Variants in PTK6 observed in about 807,000 individuals in gnomAD.
PTK6 encodes protein tyrosine kinase 6.
Under a neutral mutation model 47.5 loss-of-function variants are expected in PTK6, and 47 were observed. That is an observed-to-expected ratio of 0.99 (90% CI 0.78 to 1.26). The LOEUF (loss-of-function observed/expected upper bound fraction) is 1.26, where lower values mean the gene tolerates loss of function less well. Ranked by LOEUF, PTK6 falls within the 50% of genes most tolerant of loss-of-function variation. The probability of loss-of-function intolerance (pLI) is 0.00; values close to 1 mark genes in which losing one functional copy is unlikely to be tolerated. For synonymous variants in PTK6, 287 were observed against 276.5 expected, an observed-to-expected ratio of 1.04 and a Z score of -0.38; for missense variants, 618 against 625.3, an observed-to-expected ratio of 0.99 and a Z score of 0.12.
chr20:63,531,047 G>A lies in PTK6; in HGVS notation c.833-120C>T, dbSNP rs371450328. On this transcript the variant is annotated intron_variant, in intron 5 of 7. Coordinates refer to ENST00000542869, the MANE Select transcript of PTK6 (RefSeq NM_005975.4). ...GCTCTGCGGGCTCAGAGGAGGGGCC[G>A]GGGCAAAGGGCAGCTGGCCTGATTG... 3.3e-4 allele frequency: 305 copies of A among 926,802 alleles called. 2 individuals carry two copies. In the African/African-American group the frequency reaches 4.7e-3, roughly 14 times the overall value. 57.4% of individuals were successfully genotyped at this position (926,802 alleles called of 1,614,324 possible). A position where few individuals can be genotyped will look rare whatever the true frequency, so the allele number is the denominator to read the frequency against.
At chr20:63,534,424 G>A (rs2082648692) in intron 2 of PTK6, 109 bp from the exon 3 acceptor site, 20 of 1,373,178 alleles carry the variant, frequency 1.5e-5, no homozygotes, top group Middle Eastern at 2.2e-4. Flanking sequence ...CACAGTTGCT[G>A]TTGGTGCTTC....
intron 5 of PTK6, among the ~76,000 whole-genome samples, chr20:63,531,275 G>C (rs2145970615): frequency 6.6e-6 from 1 of 151,574 alleles, no homozygotes; most frequent in South Asian, 2.1e-4. Flanking sequence ...CAAAAAATTA[G>C]CCGGGCGTGG....
chr20:63,534,065 T>C, intron 3 of PTK6, 87 bp downstream of exon 3: 14 of 1,442,404 alleles, frequency 9.7e-6, no homozygotes, highest in African/African-American at 1.4e-5. Flanking sequence ...CCTCCCATGC[T>C]GCCCGGCCAA....
intron 5 of PTK6, among the ~76,000 whole-genome samples, chr20:63,531,967 T>C (rs2082625322): frequency 1.3e-5 from 2 of 152,220 alleles, no homozygotes; most frequent in Admixed American, 1.3e-4. Flanking sequence ...ACGGCATTTT[T>C]CCTATACCAC....
At chr20:63,534,872 T>TGGCTGGGAGGGCTTAGAGCCA (rs2082651734) in intron 2 of PTK6, 66 bp downstream of exon 2, 1 of 1,521,056 alleles carries the variant, frequency 6.6e-7, no homozygotes, top group African/African-American at 1.4e-5. Flanking sequence ...GTTCACCACG[T>TGGCTGGGAGGGCTTAGAGCCA]GGCTGGGAGG....
Position 63,532,663 on chromosome 20 carries a change from A to G in PTK6, c.695T>C (p.Leu232Pro). The stretch of plus-strand genomic sequence containing the variant: ...CTTCATGGCCTGGATCTCCGACTGC[A>G]GCATCTGCTGGTGCAGGAGGTTGTC... ...SRDNLLHQQMLQSEIQAMKKL... is the reference protein window; with the variant it reads ...SRDNLLHQQMPQSEIQAMKKL... The change falls in exon 5 of 8, where the codon CTG becomes CCG. Residue 232 changes from leucine to proline, a missense_variant. Physicochemically the swap from Leu to Pro is moderately conservative, Grantham distance 98. Coordinates refer to ENST00000542869, the MANE Select transcript of PTK6 (RefSeq NM_005975.4). The G allele has an allele frequency of 6.2e-7, 1 of 1,614,060 alleles. No individual in the cohort carries two copies. The highest frequency in any genetic ancestry group is 2.2e-5 in the East Asian group (1 of 44,884).
At chr20:63,534,362 T>C in intron 2 of PTK6, 47 bp from the exon 3 acceptor site, 2 of 1,524,950 alleles carry the variant, frequency 1.3e-6, no homozygotes, top group Non-Finnish European at 1.8e-6. Flanking sequence ...CTCCGACGCC[T>C]CCCTGCGTCC....
chr20:63,531,436 A>AT (rs2082619071), intron 5 of PTK6, among the ~76,000 whole-genome samples: 9 of 106,884 alleles, frequency 8.4e-5, no homozygotes, highest in South Asian at 2.7e-4. Context: ...AAAAAAAAAA[A>AT]AATATATATA....
Position 63,530,150 on chromosome 20 carries a change from TGGA to T in PTK6, c.1093_1095del (p.Ser365del). 2 of 1,614,028 alleles carry T rather than the reference TGGA, an allele frequency of 1.2e-6. No individual in the cohort carries two copies. Among genetic ancestry groups the T allele is most frequent in the Non-Finnish European group, 1.7e-6 (2 of 1,179,964 alleles). On this transcript the variant is annotated inframe_deletion, in exon 7 of 8. Transcript: ENST00000542869. The surrounding 1 kb of genome is among the most constrained non-coding windows in gnomAD (Gnocchi z 4.1). ...CCAAAGGACCAGACGTCGGATTTGGTGGAGTAATGGCCTCGGGAGAGCGCTTCA... is the reference window on the plus strand; with the variant it reads ...CCAAAGGACCAGACGTCGGATTTGGTGTAATGGCCTCGGGAGAGCGCTTCA...
At position 63,534,940 on chromosome 20, in the gene PTK6, G is replaced by T; in HGVS notation, c.350C>A (p.Ser117Ter). 1 of 1,599,392 alleles carries T rather than the reference G, an allele frequency of 6.3e-7. No individual in the cohort carries two copies. The highest frequency in any genetic ancestry group is 8.5e-7 in the Non-Finnish European group (1 of 1,173,942). Reference sequence around the variant, plus strand: ...AGGCTCGGAGGCCGGGGCCGCACCCGACAGGACGTAGTCGGCACTCGGCTT... The same window carrying T: ...AGGCTCGGAGGCCGGGGCCGCACCCTACAGGACGTAGTCGGCACTCGGCTT... ...SEKPSADYVLSVRDTQAVRHY... is the reference protein window; with the variant it reads ...SEKPSADYVL Residue 117 changes from serine to a stop codon, truncating the protein, a stop_gained and splice_region_variant, in exon 2 of 8, where the codon TCG becomes TAG. Coordinates refer to ENST00000542869, the MANE Select transcript of PTK6 (RefSeq NM_005975.4). LOFTEE classifies it high-confidence loss of function.
At chr20:63,532,264 GTGTA>G (rs1402632690) in intron 5 of PTK6, among the ~76,000 whole-genome samples, 1 of 140,924 alleles carries the variant, frequency 7.1e-6, no homozygotes, top group African/African-American at 3.2e-5. Context: ...CTGTGTCTAT[GTGTA>G]TGTCTGTGTG....
Position 63,530,655 on chromosome 20 carries a change from C to T in PTK6, c.1014+91G>A. ...GAGGGCAGGGGCCGCATCCTGCTCC[C>T]AGCCGAGTCCCCAGCTCCACACACA... On this transcript the variant is annotated intron_variant, in intron 6 of 7. Coordinates refer to ENST00000542869, the MANE Select transcript of PTK6 (RefSeq NM_005975.4). This position sits in a 1 kb window ranked among gnomAD's most constrained non-coding sequence, Gnocchi z 4.1. 3 of 1,461,174 alleles carry T rather than the reference C, an allele frequency of 2.1e-6. No individual in the cohort carries two copies. Among genetic ancestry groups the T allele is most frequent in the South Asian group, 2.5e-5 (2 of 80,272 alleles). 90.5% of individuals were successfully genotyped at this position (1,461,174 alleles called of 1,614,324 possible). A position where few individuals can be genotyped will look rare whatever the true frequency, so the allele number is the denominator to read the frequency against.
chr20:63,531,435 AAAATATATAT>A (rs1240980813), intron 5 of PTK6, among the ~76,000 whole-genome samples: 117 of 107,908 alleles, frequency 1.1e-3, no homozygotes, highest in Middle Eastern at 4.4e-3. Flanking sequence ...AAAAAAAAAA[AAAATATATAT>A]ATATATATAT....
Position 63,533,070 on chromosome 20 carries a change from C to CTTT in PTK6, c.671-386_671-384dup, listed in dbSNP as rs918158489. The stretch of plus-strand genomic sequence containing the variant: ...GATTTTAAATTTTCTTTCTTTCTTT[C>CTTT]TTTTTTTTTTTTCCCAAGACGGGGT... On this transcript the variant is annotated intron_variant, in intron 4 of 7. Transcript: ENST00000542869. The surrounding 1 kb of genome is among the most constrained non-coding windows in gnomAD (Gnocchi z 4.0). Among the ~76,000 whole-genome samples, 1 of 144,350 alleles carries CTTT rather than the reference C, an allele frequency of 6.9e-6. No individual in the cohort carries two copies. Among genetic ancestry groups the CTTT allele is most frequent in the Non-Finnish European group, 1.5e-5 (1 of 66,316 alleles). 94.7% of individuals were successfully genotyped at this position (144,350 alleles called of 152,430 possible). A position where few individuals can be genotyped will look rare whatever the true frequency, so the allele number is the denominator to read the frequency against.
At position 63,529,941 on chromosome 20, in the gene PTK6, C is replaced by T. The variant is rs1052104675; in HGVS notation, c.1168+137G>A. The T allele has an allele frequency of 1.2e-5, 14 of 1,193,332 alleles. No individual in the cohort carries two copies. The highest frequency in any genetic ancestry group is 2.5e-4 in the Middle Eastern group (1 of 4,002). 73.9% of individuals were successfully genotyped at this position (1,193,332 alleles called of 1,614,324 possible). On this transcript the variant is annotated intron_variant, in intron 7 of 7. Transcript: ENST00000542869. The surrounding 1 kb of genome is among the most constrained non-coding windows in gnomAD (Gnocchi z 5.6). ...CAGCCTGGGTGCTCAGAGAATGGTG[C>T]AGGTGTGGAGTTCAGGCGATGGCCC...
chr20:63,530,026 G>T lies in PTK6; in HGVS notation c.1168+52C>A. 1 of 1,600,096 alleles carries T rather than the reference G, an allele frequency of 6.2e-7. No individual in the cohort carries two copies. On this transcript the variant is annotated intron_variant, in intron 7 of 7. Transcript: ENST00000542869. This position sits in a 1 kb window ranked among gnomAD's most constrained non-coding sequence, Gnocchi z 4.1. ...CCCAGCGTCCCTGCCGGCTACCCAG[G>T]ACCTCCCCCACTCTGCCTCTCATGC...
intron 1 of PTK6, among the ~76,000 whole-genome samples, chr20:63,536,291 GCTCA>G (rs2082666922): frequency 7.1e-6 from 1 of 141,788 alleles, no homozygotes; most frequent in African/African-American, 2.7e-5. Flanking sequence ...CTGCACCCCT[GCTCA>G]CTAACGAGGT....
intron 5 of PTK6, among the ~76,000 whole-genome samples, chr20:63,531,757 A>T (rs1001652985): frequency 3.3e-5 from 5 of 152,224 alleles, no homozygotes; most frequent in Admixed American, 6.5e-5. Context: ...AGGCAGTGGG[A>T]ACTCGAACAG....
At position 63,529,609 on chromosome 20, in the gene PTK6, G is replaced by T; in HGVS notation, c.1283C>A (p.Pro428His). 1 of 1,560,230 alleles carries T rather than the reference G, an allele frequency of 6.4e-7. No homozygotes were observed. The highest frequency in any genetic ancestry group is 2.4e-5 in the East Asian group (1 of 41,904). ...KLMLTCWCRDPEQRPCFKALR... is the reference protein window; with the variant it reads ...KLMLTCWCRDHEQRPCFKALR... ...GGCCTTGAAGCAGGGTCTCTGCTCGGGGTCCCTGCACCAGCATGTCAGCAT... is the reference window on the plus strand; with the variant it reads ...GGCCTTGAAGCAGGGTCTCTGCTCGTGGTCCCTGCACCAGCATGTCAGCAT... The change falls in exon 8 of 8, where the codon CCC becomes CAC. Residue 428 changes from proline (P) to histidine (H), a missense_variant. Transcript: ENST00000542869. This position sits in a 1 kb window ranked among gnomAD's most constrained non-coding sequence, Gnocchi z 5.6.
Sources: allele counts gnomAD v4.1 joint callset (sites outside exome capture counted in the v4.1 genomes callset), GRCh38; gene constraint gnomAD v4.1.1; non-coding constraint Gnocchi (gnomAD v3.1); transcripts MANE v1.5; gene names NCBI Gene and HGNC (gene_info 2026-07-23, HGNC 2026-07-21).